Variants in USF3 observed in about 807,000 individuals in gnomAD.
USF3 encodes the protein upstream transcription factor family member 3.
A neutral mutation model predicts 157.5 loss-of-function variants in USF3; 29 were observed. That is an observed-to-expected ratio of 0.18 (90% CI 0.14 to 0.25). The LOEUF is 0.25. Among genes scored for constraint, USF3 ranks in the 10% least tolerant of loss-of-function variants. The pLI, the probability that USF3 is intolerant of heterozygous loss-of-function variation, is 1.00. For synonymous variants in USF3, 893 were observed against 941.4 expected (o/e 0.95, Z 0.94); for missense variants, 2,381 against 2,667.6 (o/e 0.89, Z 2.37).
In USF3 at chr3:113,659,073, A is replaced by T. The variant is rs758046391; in HGVS notation, c.2609T>A (p.Leu870Gln). 7 of 1,614,080 alleles carry T rather than the reference A, an allele frequency of 4.3e-6. No individual in the cohort carries two copies. Among genetic ancestry groups the T allele is most frequent in the Non-Finnish European group, 5.9e-6 (7 of 1,180,024 alleles). ...CTCAGGTATTAATGATTCAGAGCTT[A>T]GAACACCCAAAGAATGTGAAGCAGA... ...SVSASHSLGV[L>Q]SSESLIPESV... The change falls in exon 7 of 7, where the codon CTA (leucine) becomes CAA (glutamine). Residue 870 changes from leucine to glutamine, a missense_variant. Leu to Gln is a moderately radical substitution (Grantham distance 113). Transcript: ENST00000316407.
chr3:113,666,834 C>T (rs918670749), intron 5 of USF3, among the ~76,000 whole-genome samples: 1 of 151,944 alleles, frequency 6.6e-6, no homozygotes, highest in Non-Finnish European at 1.5e-5. Context: ...ATTATCTGCC[C>T]GCCTCGGTCT....
At chr3:113,693,086 G>A (rs1016739597) in intron 1 of USF3, among the ~76,000 whole-genome samples, 3 of 152,158 alleles carry the variant, frequency 2.0e-5, no homozygotes, top group African/African-American at 7.2e-5. Context: ...ATCAATTAAT[G>A]CCAAATCAAC....
chr3:113,689,367 C>A (rs1707634968), intron 1 of USF3, among the ~76,000 whole-genome samples: 2 of 152,158 alleles, frequency 1.3e-5, no homozygotes, highest in Non-Finnish European at 2.9e-5. Context: ...TCTTCCATTT[C>A]CCCCTTAATT....
At chr3:113,680,376 T>G (rs188822419) in intron 1 of USF3, among the ~76,000 whole-genome samples, 1 of 152,212 alleles carries the variant, frequency 6.6e-6, no homozygotes, top group Non-Finnish European at 1.5e-5. Flanking sequence ...TCCAATTTAT[T>G]GGCATATAGT....
At chr3:113,680,493 G>A (rs2107950859) in intron 1 of USF3, among the ~76,000 whole-genome samples, 1 of 151,894 alleles carries the variant, frequency 6.6e-6, no homozygotes, top group East Asian at 1.9e-4. Flanking sequence ...GTCTCGGTTT[G>A]TTGATTTTGT....
rs573657431 is a variant in USF3 at position 113,651,285 on chromosome 3, A to C, written c.*3659T>G. 6.6e-6 allele frequency: 1 copy of C among 152,228 alleles called. No individual in the cohort carries two copies. The highest frequency in any genetic ancestry group is 1.5e-5 in the Non-Finnish European group (1 of 68,036). The allele number at this position is 152,228 out of a possible 1,614,324, so 9.4% of individuals were successfully genotyped here. A position where few individuals can be genotyped will look rare whatever the true frequency, so the allele number is the denominator to read the frequency against. On this transcript the variant is annotated 3_prime_UTR_variant, in exon 7 of 7. Transcript: ENST00000316407. ...GTTAAAAAATTTAAATCAATTCTGA[A>C]CTAATTTTGTTTCAAGAAATTCTTG...
chr3:113,691,400 C>T (rs1219447911), intron 1 of USF3, among the ~76,000 whole-genome samples: 1 of 152,146 alleles, frequency 6.6e-6, no homozygotes, highest in Non-Finnish European at 1.5e-5. Flanking sequence ...CCTAAAACTG[C>T]TTAAACCAAG....
chr3:113,688,877 G>A (rs1460929269), intron 1 of USF3, among the ~76,000 whole-genome samples: 4 of 151,866 alleles, frequency 2.6e-5, no homozygotes, highest in Non-Finnish European at 5.9e-5. Flanking sequence ...CGTCTCTACT[G>A]AAAATTAGCT....
chr3:113,684,391 T>A (rs934896039), intron 1 of USF3, among the ~76,000 whole-genome samples: 1 of 152,178 alleles, frequency 6.6e-6, no homozygotes, highest in Non-Finnish European at 1.5e-5. Context: ...AATACTGATA[T>A]CTTTCTCTAG....
chr3:113,694,937 C>G (rs1707766904), intron 1 of USF3, among the ~76,000 whole-genome samples: 1 of 152,110 alleles, frequency 6.6e-6, no homozygotes. Context: ...CCCAGCTACT[C>G]AGGAGGCTGA....
chr3:113,661,385 G>A lies in USF3; in HGVS notation c.297C>T (p.Ile99=), dbSNP rs12495298. ...CAATATATCGGCCATTTTCTTTTTG[G>A]ATTTCTTCCAGTTGTTTCCGTAGCT... ...IKKLRKQLEE[I]QKENGRYIEL... Residue 99 remains isoleucine (I), a synonymous_variant, in exon 7 of 7, where the codon ATC becomes ATT. Coordinates refer to ENST00000316407, the MANE Select transcript of USF3 (RefSeq NM_001009899.4). 5,029 of 1,576,588 alleles carry A rather than the reference G, an allele frequency of 3.2e-3. 115 individuals carry two copies. The Admixed American group carries it at 0.048, about 15-fold the overall frequency.
chr3:113,674,966 C>T, intron 2 of USF3, 70 bp from the exon 3 acceptor site: 5 of 915,520 alleles, frequency 5.5e-6, no homozygotes, highest in Non-Finnish European at 9.1e-6. Flanking sequence ...TGGTCAATAG[C>T]AATTTGATTT....
Position 113,649,523 on chromosome 3 carries a change from T to C in USF3, c.*5421A>G, listed in dbSNP as rs1947224399. 2.1e-5 allele frequency: 6 copies of C among 288,426 alleles called. No homozygotes were observed. Among genetic ancestry groups the C allele is most frequent in the Admixed American group, 5.1e-5 (1 of 19,422 alleles). 17.9% of individuals were successfully genotyped at this position (288,426 alleles called of 1,614,324 possible). A position where few individuals can be genotyped will look rare whatever the true frequency, so the allele number is the denominator to read the frequency against. On this transcript the variant is annotated 3_prime_UTR_variant, in exon 7 of 7. Transcript: ENST00000316407. The stretch of plus-strand genomic sequence containing the variant: ...GGTTTTTTTTTTGTTTTTTGTTTTT[T>C]TTTACAAATCAACATCAAAGATGGC...
In USF3 at chr3:113,676,402, G is replaced by T. The variant is rs143797283; in HGVS notation, c.-19+880C>A. Among the ~76,000 whole-genome samples, 12 of 152,322 alleles carry T rather than the reference G, an allele frequency of 7.9e-5. 1 individual carries two copies. The highest frequency in any genetic ancestry group is 7.8e-4 in the Admixed American group (12 of 15,296). On this transcript the variant is annotated intron_variant, in intron 2 of 6. Transcript: ENST00000316407. ...CAGGAAACTTACAATCATGGTGGAA[G>T]GGGAAGCAAACATATCCTTTACATG... is the stretch of plus-strand genomic sequence containing the variant.
chr3:113,666,151 T>A (rs1278959073), intron 5 of USF3, among the ~76,000 whole-genome samples: 1 of 149,350 alleles, frequency 6.7e-6, no homozygotes, highest in Non-Finnish European at 1.5e-5. Context: ...GCCATTGCAC[T>A]CCAGCCTGGG....
Position 113,653,045 on chromosome 3 carries a change from C to A in USF3, c.*1899G>T. 2 of 404,626 alleles carry A rather than the reference C, an allele frequency of 4.9e-6. No homozygotes were observed. The highest frequency in any genetic ancestry group is 4.5e-5 in the South Asian group (1 of 22,322). 25.1% of individuals were successfully genotyped at this position (404,626 alleles called of 1,614,324 possible). On this transcript the variant is annotated 3_prime_UTR_variant, in exon 7 of 7. Transcript: ENST00000316407. ...CCTAACGACACTCCAGCCTGGGTGACAGAGTCTCAAAAAAAAAAGAAAAGA... is the reference window on the plus strand; with the variant it reads ...CCTAACGACACTCCAGCCTGGGTGAAAGAGTCTCAAAAAAAAAAGAAAAGA...
At chr3:113,689,284 C>T (rs764002068) in intron 1 of USF3, among the ~76,000 whole-genome samples, 45 of 152,182 alleles carry the variant, frequency 3.0e-4, no homozygotes, top group Non-Finnish European at 5.1e-4. Context: ...TACAAGTTTA[C>T]ATGATGATAC....
At chr3:113,679,993 G>A (rs1707372756) in intron 1 of USF3, among the ~76,000 whole-genome samples, 1 of 149,704 alleles carries the variant, frequency 6.7e-6, no homozygotes, top group Non-Finnish European at 1.5e-5. Flanking sequence ...GCCCAGGCTG[G>A]AGTGCAGTAG....
In USF3 at chr3:113,684,821, T is replaced by C. The variant is rs550010708; in HGVS notation, c.-134-7424A>G. 2.6e-5 allele frequency among the ~76,000 whole-genome samples: 4 copies of C among 152,298 alleles called. No homozygotes were observed. In the East Asian group the frequency reaches 5.8e-4, roughly 22 times the overall value. ...TGAATTCTCTGTCTCAAAAGTCACA[T>C]ATCTCTGCCACTCTGGAATTGGTCA... On this transcript the variant is annotated intron_variant, in intron 1 of 6. Coordinates refer to ENST00000316407, the MANE Select transcript of USF3 (RefSeq NM_001009899.4).
Sources: gnomAD v4.1 joint callset for allele counts (sites outside exome capture counted in the v4.1 genomes callset) on GRCh38, gnomAD v4.1.1 for gene constraint, MANE v1.5 for transcripts, NCBI Gene and HGNC (gene_info 2026-07-23, HGNC 2026-07-21) for gene names.